Variants in PROX2 observed in about 807,000 individuals in gnomAD.
The protein encoded by PROX2 is prospero homeobox protein 2.
PROX2 carries 46 observed loss-of-function variants against 48.9 expected under a neutral mutation model. The observed-to-expected ratio is 0.94, with a 90% CI of 0.74 to 1.20. PROX2 has a LOEUF of 1.20. PROX2 is among the 50% of genes most tolerant of loss of function. The pLI, the probability that PROX2 is intolerant of heterozygous loss-of-function variation, is 0.00. For synonymous variants in PROX2, 260 were observed against 276.6 expected, an observed-to-expected ratio of 0.94 and a Z score of 0.60; for missense variants, 663 against 719.4, an observed-to-expected ratio of 0.92 and a Z score of 0.90.
intron 2 of PROX2, among the ~76,000 whole-genome samples, chr14:74,870,559 A>C (rs767461482): frequency 6.7e-6 from 1 of 148,878 alleles, no homozygotes; most frequent in South Asian, 2.1e-4. Context: ...TTTTCTTTTT[A>C]TTTTTCTGAA....
chr14:74,858,329 G>A, intron 4 of PROX2, 78 bp downstream of exon 4: 1 of 815,564 alleles, frequency 1.2e-6, no homozygotes, highest in South Asian at 1.5e-5. Flanking sequence ...TGATGACCTA[G>A]GACTTGCCTC....
Position 74,855,052 on chromosome 14 carries a change from A to G in PROX2, c.*80T>C, listed in dbSNP as rs1594856856. 4 of 956,646 alleles carry G rather than the reference A, an allele frequency of 4.2e-6. No individual in the cohort carries two copies. The East Asian group carries it at 1.1e-4, about 26-fold the overall frequency. 59.3% of individuals were successfully genotyped at this position (956,646 alleles called of 1,614,324 possible). ...CCTTGTGCCCTTTTTATATGACTAC[A>G]GCTAAATTGCCCTTTAAGACAAACC... On this transcript the variant is annotated 3_prime_UTR_variant, in exon 6 of 6. Transcript: ENST00000556489.
chr14:74,861,212 T>G (rs2091792895), intron 3 of PROX2: 2 of 1,352,994 alleles, frequency 1.5e-6, no homozygotes, highest in African/African-American at 2.9e-5. Context: ...TGTTCCCACC[T>G]GGATATGCAA....
chr14:74,863,976 A>G lies in PROX2; in HGVS notation c.-142T>C. On this transcript the variant is annotated 5_prime_UTR_variant, in exon 3 of 6. Transcript: ENST00000556489. ...ACTGAGGAAGGATTCAGATTCTGGG[A>G]TGCCAGGGCTCATGAACCTCCTGGG... is the stretch of plus-strand genomic sequence containing the variant. 1 of 1,104,696 alleles carries G rather than the reference A, an allele frequency of 9.1e-7. No homozygotes were observed. Among genetic ancestry groups the G allele is most frequent in the Non-Finnish European group, 1.2e-6 (1 of 855,516 alleles). 68.4% of individuals were successfully genotyped at this position (1,104,696 alleles called of 1,614,324 possible).
At position 74,856,785 on chromosome 14, in the gene PROX2, C is replaced by T. The variant is rs774014472; in HGVS notation, c.1608+16G>A. 1 of 1,606,234 alleles carries T rather than the reference C, an allele frequency of 6.2e-7. No individual in the cohort carries two copies. The highest frequency in any genetic ancestry group is 8.5e-7 in the Non-Finnish European group (1 of 1,173,100). On this transcript the variant is annotated intron_variant, in intron 5 of 5. Transcript: ENST00000556489. ...ACACTCATCAGATCTCATGGGAACC[C>T]AGTACATGGTCTTACCTCAAAGTCA...
intron 1 of PROX2, among the ~76,000 whole-genome samples, chr14:74,872,730 A>C (rs1483610677): frequency 6.6e-6 from 1 of 152,170 alleles, no homozygotes; most frequent in African/African-American, 2.4e-5. Context: ...GGCCCCCTGC[A>C]CTGTCCCCAC....
At chr14:74,857,045 A>G (rs774647766) in intron 4 of PROX2, 50 bp from the exon 5 acceptor site, 4 of 1,514,514 alleles carry the variant, frequency 2.6e-6, no homozygotes, top group Non-Finnish European at 2.7e-6. Flanking sequence ...CGAGGTGCTC[A>G]GAATTAGAAC....
chr14:74,860,372 C>CA (rs11346049), intron 3 of PROX2, among the ~76,000 whole-genome samples: 2,197 of 150,098 alleles, frequency 0.015, 25 homozygotes, highest in Non-Finnish European at 0.023. Flanking sequence ...GTTTTGCTAC[C>CA]AAAAAAAAAA....
chr14:74,862,539 A>C lies in PROX2; in HGVS notation c.1296T>G (p.Ser432=). 1 of 1,612,666 alleles carries C rather than the reference A, an allele frequency of 6.2e-7. No homozygotes were observed. The highest frequency in any genetic ancestry group is 8.5e-7 in the Non-Finnish European group (1 of 1,179,442). Residue 432 remains serine (S), a synonymous_variant, in exon 3 of 6, where the codon TCT becomes TCG. Coordinates refer to ENST00000556489, the MANE Select transcript of PROX2 (RefSeq NM_001243007.2). ...LHAVMEALPF[S]LVHIQEGLNP... ...TGCTATTAAAGGATATGTGGACCAAAGAGAAAGGCAGTGCCTCCATGACAG... is the reference window on the plus strand; with the variant it reads ...TGCTATTAAAGGATATGTGGACCAACGAGAAAGGCAGTGCCTCCATGACAG...
rs1282339254 is a variant in PROX2 at position 74,863,741 on chromosome 14, G to A, written c.94C>T (p.Pro32Ser). The A allele has an allele frequency of 6.5e-7, 1 of 1,530,500 alleles. No individual in the cohort carries two copies. The highest frequency in any genetic ancestry group is 8.7e-7 in the Non-Finnish European group (1 of 1,143,364). 94.8% of individuals were successfully genotyped at this position (1,530,500 alleles called of 1,614,324 possible). The change falls in exon 3 of 6, where the codon CCA becomes TCA. Residue 32 changes from proline (P) to serine (S), a missense_variant. Coordinates refer to ENST00000556489, the MANE Select transcript of PROX2 (RefSeq NM_001243007.2). ...AACGGGGAGTCTCTATCCAGCTCTGGAGGGGATGAGCTTCTCTCGCCTTCC... is the reference window on the plus strand; with the variant it reads ...AACGGGGAGTCTCTATCCAGCTCTGAAGGGGATGAGCTTCTCTCGCCTTCC... ...CTEGERSSSP[P>S]ELDRDSPFPW...
intron 4 of PROX2, 140 bp from the exon 5 acceptor site, chr14:74,857,135 G>A (rs2091750469): frequency 7.9e-6 from 5 of 633,520 alleles, no homozygotes; most frequent in Admixed American, 2.6e-5. Context: ...AAAAAGAAGC[G>A]AAGCCACCGC....
rs1370660355 is a variant in PROX2, at chr14:74,858,843, TGTG to T, written c.1306-332_1306-330del. The T allele has an allele frequency of 2.2e-3, 57 of 25,366 alleles. 1 individual carries two copies. Among genetic ancestry groups the T allele is most frequent in the Middle Eastern group, 0.016 (1 of 64 alleles). The allele number at this position is 25,366 out of a possible 1,614,324, so 1.6% of individuals were successfully genotyped here. The stretch of plus-strand genomic sequence containing the variant: ...AGATGTCAAATACAGGTTGGTGTAT[TGTG>T]TGTGTGTGTGTGTGTGTGTGTGTGT... On this transcript the variant is annotated intron_variant, in intron 3 of 5. Coordinates refer to ENST00000556489, the MANE Select transcript of PROX2 (RefSeq NM_001243007.2).
intron 5 of PROX2, chr14:74,856,259 G>A: frequency 6.5e-6 from 1 of 153,414 alleles, no homozygotes; most frequent in Non-Finnish European, 1.5e-5. Context: ...CCTCTGAGGT[G>A]CCACCAGTGT....
chr14:74,868,345 AT>A (rs1883124132), intron 2 of PROX2, among the ~76,000 whole-genome samples: 2 of 137,096 alleles, frequency 1.5e-5, no homozygotes, highest in African/African-American at 2.7e-5. Context: ...ATATATATAT[AT>A]ATATATATAT....
At chr14:74,869,102 T>C (rs990878086) in intron 2 of PROX2, among the ~76,000 whole-genome samples, 4 of 152,200 alleles carry the variant, frequency 2.6e-5, no homozygotes, top group African/African-American at 9.7e-5. Context: ...ATTGTTATTA[T>C]GAATAATATT....
At chr14:74,870,060 G>A (rs886175996) in intron 2 of PROX2, among the ~76,000 whole-genome samples, 8 of 152,058 alleles carry the variant, frequency 5.3e-5, no homozygotes, top group Non-Finnish European at 8.8e-5. Context: ...TAGTGTTTAA[G>A]TAAAGTTTAT....
At chr14:74,872,526 A>G (rs375082446) in intron 1 of PROX2, among the ~76,000 whole-genome samples, 3 of 152,326 alleles carry the variant, frequency 2.0e-5, no homozygotes, top group East Asian at 3.9e-4. Context: ...TCACATCTGT[A>G]TATGAATACA....
Position 74,863,652 on chromosome 14 carries a change from G to A in PROX2, c.183C>T (p.Ile61=). The A allele has an allele frequency of 6.3e-7, 1 of 1,578,374 alleles. No homozygotes were observed. The highest frequency in any genetic ancestry group is 8.6e-7 in the Non-Finnish European group (1 of 1,163,212). The change falls in exon 3 of 6, where the codon ATC becomes ATT. Residue 61 remains isoleucine, a synonymous_variant. Coordinates refer to ENST00000556489, the MANE Select transcript of PROX2 (RefSeq NM_001243007.2). The stretch of plus-strand genomic sequence containing the variant: ...TCTCCACTCTGGCCCTCTTTGCCTG[G>A]ATGTGCTCATCACCAAACCATTCGG... The part of the protein sequence containing the change: ...TDPEWFGDEH[I]QAKRARVETI...
intron 1 of PROX2, among the ~76,000 whole-genome samples, chr14:74,873,266 C>T (rs1207282325): frequency 6.6e-6 from 1 of 152,156 alleles, no homozygotes; most frequent in African/African-American, 2.4e-5. Flanking sequence ...TACAGTCAGT[C>T]GTGAGCCACC....
Sources: allele counts gnomAD v4.1 joint callset (sites outside exome capture counted in the v4.1 genomes callset), GRCh38; gene constraint gnomAD v4.1.1; transcripts MANE v1.5; gene names NCBI Gene and HGNC (gene_info 2026-07-23, HGNC 2026-07-21).